Variants in PDE8A observed in about 807,000 individuals in gnomAD.
The protein encoded by PDE8A is high affinity cAMP-specific and IBMX-insensitive 3',5'-cyclic phosphodiesterase 8A.
Under a neutral mutation model 105.0 loss-of-function variants are expected in PDE8A, and 59 were observed. That is an observed-to-expected ratio of 0.56 (90% CI 0.46 to 0.70). PDE8A has a LOEUF of 0.70. Among genes scored for constraint, PDE8A ranks in the 30% least tolerant of loss-of-function variants. The pLI is 0.00. For missense variants in PDE8A, 1,014 were observed against 1,045.9 expected (o/e 0.97, Z 0.42); for synonymous variants, 355 against 371.9 (o/e 0.95, Z 0.52).
In PDE8A at chr15:85,052,732, C is replaced by G. The variant is rs200405516; in HGVS notation, c.187-11638C>G. Among the ~76,000 whole-genome samples the G allele has an allele frequency of 2.6e-5, 4 of 152,102 alleles. No individual in the cohort carries two copies. In the East Asian group the frequency reaches 7.7e-4, roughly 29 times the overall value. ...TAGATTCTGGATATTAGCCCTTTGT[C>G]AGATGGGTAGATTGTAAAAATTTTC... On this transcript the variant is annotated intron_variant, in intron 1 of 21. Coordinates refer to ENST00000394553, the MANE Select transcript of PDE8A (RefSeq NM_002605.3).
At chr15:85,122,391 T>C (rs4842868) in intron 18 of PDE8A, among the ~76,000 whole-genome samples, 117,903 of 152,112 alleles carry the variant, frequency 0.78, 46,230 homozygotes, top group East Asian at 0.95. Context: ...GAAGAGGATT[T>C]TTGATTTTGT....
intron 5 of PDE8A, among the ~76,000 whole-genome samples, chr15:85,083,309 CTT>C (rs3835084): frequency 0.09 from 13,410 of 149,116 alleles, 1,647 homozygotes; most frequent in African/African-American, 0.28. Flanking sequence ...AAAGAAAAGC[CTT>C]TTTTTTTTTT....
intron 1 of PDE8A, among the ~76,000 whole-genome samples, chr15:85,017,381 A>G (rs1302231828): frequency 6.6e-6 from 1 of 152,162 alleles, no homozygotes; most frequent in Non-Finnish European, 1.5e-5. Flanking sequence ...TTCCAGACAT[A>G]TCATTATATT....
At chr15:85,057,921 T>C (rs1356868478) in intron 1 of PDE8A, among the ~76,000 whole-genome samples, 4 of 152,238 alleles carry the variant, frequency 2.6e-5, no homozygotes, top group Non-Finnish European at 5.9e-5. Flanking sequence ...CCTTTTATTA[T>C]GCTGCTGAAT....
chr15:85,137,895 C>T lies in PDE8A; in HGVS notation c.2482C>T (p.Pro828Ser). The change falls in exon 22 of 22, where the codon CCT (proline) becomes TCT (serine). Residue 828 changes from proline to serine, a missense_variant. Coordinates refer to ENST00000394553, the MANE Select transcript of PDE8A (RefSeq NM_002605.3). Reference sequence around the variant, plus strand: ...GAAGCTGCGGAACCTCCGACCACCTCCTGAATAGTGGGAGACACCACCCAG... The same window carrying T: ...GAAGCTGCGGAACCTCCGACCACCTTCTGAATAGTGGGAGACACCACCCAG... ...EMKLRNLRPP[P>S]E is the part of the protein sequence containing the mutation. 6.3e-7 allele frequency: 1 copy of T among 1,596,200 alleles called. No homozygotes were observed. Among genetic ancestry groups the T allele is most frequent in the East Asian group, 2.2e-5 (1 of 44,784 alleles).
At chr15:85,052,399 C>T (rs1448256470) in intron 1 of PDE8A, among the ~76,000 whole-genome samples, 2 of 152,238 alleles carry the variant, frequency 1.3e-5, no homozygotes, top group African/African-American at 2.4e-5. Context: ...AATTGGCACA[C>T]TGTCTTCCAC....
chr15:85,006,373 A>C (rs972036298), intron 1 of PDE8A, among the ~76,000 whole-genome samples: 1 of 152,184 alleles, frequency 6.6e-6, no homozygotes, highest in African/African-American at 2.4e-5. Context: ...TCTCAGTGCA[A>C]GCTGAGGGCA....
intron 1 of PDE8A, among the ~76,000 whole-genome samples, chr15:84,991,996 AG>A (rs1270061570): frequency 6.6e-6 from 1 of 152,252 alleles, no homozygotes; most frequent in African/African-American, 2.4e-5. Flanking sequence ...AACAAAAAAA[AG>A]ATTAATAGCT....
chr15:85,109,441 A>G (rs2081990793), intron 12 of PDE8A, among the ~76,000 whole-genome samples: 1 of 152,244 alleles, frequency 6.6e-6, no homozygotes, highest in African/African-American at 2.4e-5. Flanking sequence ...GAATTTGATA[A>G]TTCTTAAAGA....
intron 5 of PDE8A, among the ~76,000 whole-genome samples, chr15:85,078,437 T>G (rs1201169118): frequency 1.3e-5 from 2 of 149,532 alleles, no homozygotes; most frequent in Non-Finnish European, 3.0e-5. Flanking sequence ...TCCCAGCTAC[T>G]TGGGAGGCTG....
chr15:85,042,773 G>A (rs932890831), intron 1 of PDE8A, among the ~76,000 whole-genome samples: 1 of 152,176 alleles, frequency 6.6e-6, no homozygotes, highest in African/African-American at 2.4e-5. Flanking sequence ...ACTGCACAGA[G>A]TGCTTCATAT....
intron 20 of PDE8A, among the ~76,000 whole-genome samples, chr15:85,133,476 C>T (rs1046357634): frequency 6.6e-6 from 1 of 152,164 alleles, no homozygotes; most frequent in Non-Finnish European, 1.5e-5. Flanking sequence ...GATTGTACCA[C>T]ACTGGGGAAG....
intron 18 of PDE8A, 35 bp from the exon 19 acceptor site, chr15:85,123,026 A>G: frequency 6.2e-6 from 10 of 1,610,080 alleles, no homozygotes; most frequent in Non-Finnish European, 8.5e-6. Flanking sequence ...TGGATCAGTA[A>G]TTTGTAGCAG....
At chr15:84,984,468 A>C (rs2079769848) in intron 1 of PDE8A, among the ~76,000 whole-genome samples, 1 of 152,234 alleles carries the variant, frequency 6.6e-6, no homozygotes, top group Non-Finnish European at 1.5e-5. Flanking sequence ...TCTTTGTATT[A>C]TCTCAAGATG....
intron 8 of PDE8A, among the ~76,000 whole-genome samples, chr15:85,096,365 A>T (rs904293432): frequency 6.6e-6 from 1 of 152,110 alleles, no homozygotes; most frequent in Non-Finnish European, 1.5e-5. Flanking sequence ...AGGCTGAGGT[A>T]GGAGGATCAC....
chr15:85,046,597 T>C (rs1044080535), intron 1 of PDE8A, among the ~76,000 whole-genome samples: 4 of 152,188 alleles, frequency 2.6e-5, no homozygotes, highest in African/African-American at 7.2e-5. Flanking sequence ...CCTGTTGTTA[T>C]AGAACTCTGT....
chr15:85,012,343 A>G (rs1312137836), intron 1 of PDE8A, among the ~76,000 whole-genome samples: 3 of 152,290 alleles, frequency 2.0e-5, no homozygotes, highest in South Asian at 2.1e-4. Context: ...TGTGGCACAT[A>G]TACACCATGG....
intron 5 of PDE8A, among the ~76,000 whole-genome samples, chr15:85,077,603 G>C (rs1439690149): frequency 6.6e-6 from 1 of 152,158 alleles, no homozygotes; most frequent in Non-Finnish European, 1.5e-5. Context: ...GCCGGCAGCA[G>C]TCAGTCAAAG....
At chr15:84,983,562 A>C (rs2142134487) in intron 1 of PDE8A, among the ~76,000 whole-genome samples, 1 of 152,330 alleles carries the variant, frequency 6.6e-6, no homozygotes, top group Admixed American at 6.5e-5. Context: ...CTTTGTTCTG[A>C]TTATCAGAAA....
Sources: allele counts gnomAD v4.1 joint callset (sites outside exome capture counted in the v4.1 genomes callset), GRCh38; gene constraint gnomAD v4.1.1; transcripts MANE v1.5; gene names NCBI Gene and HGNC (gene_info 2026-07-23, HGNC 2026-07-21).